Variants in PTPRS observed in about 807,000 individuals in gnomAD.
PTPRS encodes receptor-type tyrosine-protein phosphatase S.
A neutral mutation model predicts 215.3 loss-of-function variants in PTPRS; 63 were observed. The ratio of observed to expected loss-of-function variants is 0.29; its 90% confidence interval spans 0.24 to 0.36. The LOEUF (loss-of-function observed/expected upper bound fraction) is 0.36. Among genes scored for constraint, PTPRS ranks in the 10% least tolerant of loss-of-function variants. The pLI, the probability that PTPRS is intolerant of heterozygous loss-of-function variation, is 1.00. For missense variants in PTPRS, 2,258 were observed against 2,825.8 expected (o/e 0.80, Z 4.56); for synonymous variants, 1,404 against 1,191.4 (o/e 1.18, Z -3.68).
At chr19:5,223,327 C>T (rs1372092424) in intron 17 of PTPRS, 30 bp from the exon 18 acceptor site, 2 of 1,432,308 alleles carry the variant, frequency 1.4e-6, no homozygotes, top group Admixed American at 2.8e-5. Context: ...GTGTCAGGGT[C>T]CCAGCGCCAT....
chr19:5,219,632 G>A (rs111587455), intron 22 of PTPRS, among the ~76,000 whole-genome samples, 165 bp from the exon 23 acceptor site: 3 of 152,086 alleles, frequency 2.0e-5, no homozygotes, highest in African/African-American at 7.2e-5. Context: ...GCCAATCTTT[G>A]CTCTCCCCAT....
chr19:5,304,449 C>G (rs1043881598), intron 1 of PTPRS, among the ~76,000 whole-genome samples: 1 of 152,050 alleles, frequency 6.6e-6, no homozygotes, highest in African/African-American at 2.4e-5. Context: ...TGCACTCCAG[C>G]CTGGGCGAAA....
intron 30 of PTPRS, 127 bp from the exon 31 acceptor site, chr19:5,212,618 C>T (rs1033729386): frequency 6.0e-5 from 67 of 1,116,842 alleles, no homozygotes; most frequent in Middle Eastern, 2.3e-4. Flanking sequence ...CCGAGGTGGG[C>T]GGATCACCTG....
intron 1 of PTPRS, among the ~76,000 whole-genome samples, chr19:5,340,369 T>C (rs2050653249): frequency 6.6e-6 from 1 of 150,876 alleles, no homozygotes; most frequent in Non-Finnish European, 1.5e-5. Context: ...TCTGGGCGCT[T>C]CCAGCCCAGC....
At chr19:5,297,383 G>A (rs912747792) in intron 1 of PTPRS, among the ~76,000 whole-genome samples, 14 of 152,076 alleles carry the variant, frequency 9.2e-5, no homozygotes, top group African/African-American at 1.5e-4. Flanking sequence ...TGTTTCATGC[G>A]GCCGTTCTCA....
At position 5,293,448 on chromosome 19, in the gene PTPRS, G is replaced by A. The variant is rs965429524; in HGVS notation, c.-94-7214C>T. On this transcript the variant is annotated intron_variant, in intron 1 of 37. Coordinates refer to ENST00000262963, the MANE Select transcript of PTPRS (RefSeq NM_002850.4). This position sits in a 1 kb window ranked among gnomAD's most constrained non-coding sequence, Gnocchi z 8.4. ...CTGGAGGCGCGGAGAGCCTCCGCAG[G>A]AGTCCATGAAACACTGAGCGAAGGG... Among the ~76,000 whole-genome samples, 6 of 152,090 alleles carry A rather than the reference G, an allele frequency of 3.9e-5. No homozygotes were observed. In the East Asian group the frequency reaches 5.9e-4, roughly 15 times the overall value.
chr19:5,232,715 A>G (rs1599559473), intron 13 of PTPRS, among the ~76,000 whole-genome samples: 1 of 151,310 alleles, frequency 6.6e-6, no homozygotes, highest in Admixed American at 6.6e-5. Flanking sequence ...CACCATGCCA[A>G]GGGGAATAGC....
intron 1 of PTPRS, among the ~76,000 whole-genome samples, chr19:5,298,949 TA>T (rs2049223212): frequency 6.6e-6 from 1 of 152,186 alleles, no homozygotes; most frequent in Non-Finnish European, 1.5e-5. Flanking sequence ...GGTCTGGAAA[TA>T]CTCTCACGTT....
intron 4 of PTPRS, among the ~76,000 whole-genome samples, chr19:5,272,508 G>A (rs1019689383): frequency 6.8e-6 from 1 of 146,444 alleles, no homozygotes; most frequent in African/African-American, 2.5e-5. Flanking sequence ...TGAGGCAGGA[G>A]AATCGCTTGA....
In PTPRS at chr19:5,274,285, A is replaced by G; in HGVS notation, c.151T>C (p.Ser51Pro). 1 of 1,613,546 alleles carries G rather than the reference A, an allele frequency of 6.2e-7. No homozygotes were observed. Among genetic ancestry groups the G allele is most frequent in the Non-Finnish European group, 8.5e-7 (1 of 1,179,856 alleles). The change falls in exon 3 of 38, where the codon TCT becomes CCT. Residue 51 changes from serine to proline, a missense_variant. Ser to Pro is a moderately conservative substitution (Grantham distance 74). This residue lies in a region of PTPRS where 508 missense variants were observed against 799.4 expected (regional missense o/e 0.64). Transcript: ENST00000262963. ...DQIGVSGGVA[S>P]FVCQATGDPK... is the part of the protein sequence containing the mutation. ...TCACCCGTGGCCTGACACACGAAAG[A>G]GGCCACACCCCCCGACACGCCGATC...
chr19:5,231,380 C>T lies in PTPRS; in HGVS notation c.2085G>A (p.Thr695=), dbSNP rs757995624. ...GTCCCACCTCTGTGTGAGCGACAGTCGTGATGCGGTACTGGGTCCACTTCT... is the reference window on the plus strand; with the variant it reads ...GTCCCACCTCTGTGTGAGCGACAGTTGTGATGCGGTACTGGGTCCACTTCT... The part of the protein sequence containing the change: ...ALEKWTQYRI[T]TVAHTEVGPG... Residue 695 remains threonine (T), a synonymous_variant, in exon 14 of 38, where the codon ACG becomes ACA. Transcript: ENST00000262963. 5 of 1,612,992 alleles carry T rather than the reference C, an allele frequency of 3.1e-6. No individual in the cohort carries two copies. The highest frequency in any genetic ancestry group is 2.2e-5 in the East Asian group (1 of 44,826).
intron 3 of PTPRS, 83 bp from the exon 4 acceptor site, chr19:5,273,666 T>C (rs985059927): frequency 3.3e-6 from 5 of 1,523,298 alleles, no homozygotes; most frequent in Admixed American, 3.7e-5. Context: ...GGCTGGGCTG[T>C]AGGGGAATGG....
chr19:5,249,420 C>T (rs2044797592), intron 9 of PTPRS, among the ~76,000 whole-genome samples: 1 of 152,206 alleles, frequency 6.6e-6, no homozygotes, highest in Middle Eastern at 3.2e-3. Flanking sequence ...GAGAGGCAAA[C>T]GTCCTTATGC....
intron 1 of PTPRS, among the ~76,000 whole-genome samples, chr19:5,296,313 G>C (rs1191440911): frequency 6.6e-6 from 1 of 152,114 alleles, no homozygotes; most frequent in Admixed American, 6.6e-5. Flanking sequence ...ACCAGCCTGG[G>C]CAATATAGCC....
chr19:5,209,419 C>T (rs912313209), intron 35 of PTPRS, among the ~76,000 whole-genome samples: 1 of 152,178 alleles, frequency 6.6e-6, no homozygotes, highest in Non-Finnish European at 1.5e-5. Context: ...TAATCCCATC[C>T]TCCACCATCA....
chr19:5,243,924 AT>A lies in PTPRS; in HGVS notation c.1546del (p.Ile516SerfsTer14). 6.4e-7 allele frequency: 1 copy of A among 1,552,444 alleles called. No individual in the cohort carries two copies. ...SVGDGPLSDP[I>X]QVKTQQGVPG... ...ACCTCCCTGCTGCGTCTTGACCTGG[AT>A]GGGGTCCGAGAGGGGCCCGTCGCCG... On this transcript the variant is annotated frameshift_variant, in exon 11 of 38. Coordinates refer to ENST00000262963, the MANE Select transcript of PTPRS (RefSeq NM_002850.4). LOFTEE classifies it high-confidence loss of function.
In PTPRS at chr19:5,240,238, C is replaced by T; in HGVS notation, c.1665G>A (p.Lys555=). 6.4e-7 allele frequency: 1 copy of T among 1,570,786 alleles called. No individual in the cohort carries two copies. Among genetic ancestry groups the T allele is most frequent in the Non-Finnish European group, 8.6e-7 (1 of 1,158,862 alleles). ...WSPPRQESII[K]YELLFREGDH... The stretch of plus-strand genomic sequence containing the variant: ...CGCCTTCCCGGAAGAGGAGCTCGTA[C>T]TTGATGATACTCTCCTGCCGCGGGG... The change falls in exon 12 of 38, where the codon AAG becomes AAA. Residue 555 remains lysine, a synonymous_variant. Transcript: ENST00000262963.
Position 5,214,699 on chromosome 19 carries a change from C to T in PTPRS, c.4356G>A (p.Val1452=). ...MGSDYINANY[V]DGYRCQNAYI... is the part of the protein sequence containing the mutation. The stretch of plus-strand genomic sequence containing the variant: ...ACGCGTTCTGACACCGGTAGCCGTC[C>T]ACGTAGTTGGCATTGATGTAATCAC... Residue 1452 remains valine (V), a synonymous_variant, in exon 29 of 38, where the codon GTG becomes GTA. Coordinates refer to ENST00000262963, the MANE Select transcript of PTPRS (RefSeq NM_002850.4). 6.2e-7 allele frequency: 1 copy of T among 1,612,266 alleles called. No homozygotes were observed. The highest frequency in any genetic ancestry group is 8.5e-7 in the Non-Finnish European group (1 of 1,179,342).
intron 4 of PTPRS, among the ~76,000 whole-genome samples, chr19:5,267,768 G>T (rs1056069610): frequency 8.0e-6 from 1 of 125,292 alleles, no homozygotes; most frequent in Non-Finnish European, 1.6e-5. Flanking sequence ...GTGACAAATC[G>T]CAGTGCTGTT....
Sources: gnomAD v4.1 joint callset for allele counts (sites outside exome capture counted in the v4.1 genomes callset) on GRCh38, gnomAD v4.1.1 for gene constraint, gnomAD v4.1.1 regional missense constraint, Gnocchi (gnomAD v3.1) non-coding constraint, MANE v1.5 for transcripts, NCBI Gene and HGNC (gene_info 2026-07-23, HGNC 2026-07-21) for gene names.